Variants in TRHDE observed in about 807,000 individuals in gnomAD.
TRHDE encodes thyrotropin-releasing hormone-degrading ectoenzyme.
A neutral mutation model predicts 125.7 loss-of-function variants in TRHDE; 72 were observed. The observed-to-expected ratio is 0.57, with a 90% CI of 0.47 to 0.70. The LOEUF is 0.70. TRHDE is among the 30% of genes least tolerant of loss of function. TRHDE has a pLI of 0.00. For missense variants in TRHDE, 1,110 were observed against 1,327.1 expected (o/e 0.84, Z 2.54); for synonymous variants, 509 against 509.1 (o/e 1.00, Z 0.00).
intron 15 of TRHDE, among the ~76,000 whole-genome samples, chr12:72,637,662 C>T (rs1211265984): frequency 3.3e-5 from 5 of 152,152 alleles, no homozygotes; most frequent in South Asian, 2.1e-4. Context: ...TTTGCCTCTA[C>T]ACACTGCTTT....
chr12:72,638,286 G>A (rs1315138437), intron 15 of TRHDE, among the ~76,000 whole-genome samples: 1 of 150,834 alleles, frequency 6.6e-6, no homozygotes, highest in Admixed American at 6.6e-5. Context: ...TTTGATCTTT[G>A]TTGGTTGAAA....
chr12:72,516,080 T>G (rs1170878895), intron 6 of TRHDE, among the ~76,000 whole-genome samples: 1 of 151,932 alleles, frequency 6.6e-6, no homozygotes, highest in African/African-American at 2.4e-5. Context: ...GGTAGCGTGA[T>G]GCCTCCAGCT....
At chr12:72,123,907 T>C (rs1408322062) in intron 2 of TRHDE, among the ~76,000 whole-genome samples, 2 of 152,176 alleles carry the variant, frequency 1.3e-5, no homozygotes, top group Non-Finnish European at 2.9e-5. Context: ...AAAAGGAATC[T>C]TACAATATAT....
At chr12:72,376,216 G>A (rs1871874424) in intron 2 of TRHDE, among the ~76,000 whole-genome samples, 1 of 152,154 alleles carries the variant, frequency 6.6e-6, no homozygotes, top group Admixed American at 6.5e-5. Flanking sequence ...CTGAGTCCAG[G>A]ACTTCACCTG....
intron 3 of TRHDE, among the ~76,000 whole-genome samples, chr12:72,392,732 C>G (rs2135792764): frequency 6.6e-6 from 1 of 152,306 alleles, no homozygotes; most frequent in South Asian, 2.1e-4. Flanking sequence ...CCCTGCATTA[C>G]TTGGTAACCC....
At chr12:72,110,493 A>T (rs980861608) in intron 2 of TRHDE, among the ~76,000 whole-genome samples, 3 of 152,016 alleles carry the variant, frequency 2.0e-5, no homozygotes, top group African/African-American at 7.2e-5. Context: ...ATCTGAGGAT[A>T]TGGTTTATTA....
chr12:72,557,691 CAT>C (rs1451420748), intron 7 of TRHDE, among the ~76,000 whole-genome samples: 2 of 152,058 alleles, frequency 1.3e-5, no homozygotes, highest in African/African-American at 4.8e-5. Flanking sequence ...TTACACATGA[CAT>C]GTTATGAAGC....
intron 12 of TRHDE, among the ~76,000 whole-genome samples, chr12:72,578,118 A>C (rs571582137): frequency 6.6e-6 from 1 of 152,202 alleles, no homozygotes. Context: ...GCTTCTTTAA[A>C]GATAACACAT....
rs142361529 is a variant in TRHDE at position 72,367,731 on chromosome 12, G to A, written c.1189-10264G>A. Among the ~76,000 whole-genome samples, 35 of 152,194 alleles carry A rather than the reference G, an allele frequency of 2.3e-4. 1 individual carries two copies. The East Asian group carries it at 4.4e-3, about 19-fold the overall frequency. On this transcript the variant is annotated intron_variant, in intron 2 of 18. Transcript: ENST00000261180. ...ATAGGTGAATTAATTCAGCTTTACCGGCTGCAATTCAGTGCATTGTGGTTT... is the reference window on the plus strand; with the variant it reads ...ATAGGTGAATTAATTCAGCTTTACCAGCTGCAATTCAGTGCATTGTGGTTT...
intron 2 of TRHDE, among the ~76,000 whole-genome samples, chr12:72,194,715 C>T (rs1034384712): frequency 2.6e-5 from 4 of 152,060 alleles, no homozygotes; most frequent in Admixed American, 1.3e-4. Context: ...GATTCCATTC[C>T]TTTTTATGAC....
intron 3 of TRHDE, among the ~76,000 whole-genome samples, chr12:72,464,426 T>C (rs1368598255): frequency 6.6e-6 from 1 of 152,154 alleles, no homozygotes; most frequent in East Asian, 1.9e-4. Context: ...AGATGACTCT[T>C]TGTTGCTGCA....
chr12:72,563,063 A>C (rs1051311017), intron 9 of TRHDE, 23 bp downstream of exon 9: 12 of 1,498,462 alleles, frequency 8.0e-6, no homozygotes, highest in Non-Finnish European at 1.1e-5. Context: ...TTTTTACGTG[A>C]AAAATATTGT....
At chr12:72,617,330 C>T (rs948522762) in intron 12 of TRHDE, among the ~76,000 whole-genome samples, 3 of 152,028 alleles carry the variant, frequency 2.0e-5, no homozygotes, top group Non-Finnish European at 4.4e-5. Context: ...AACTGCAGCA[C>T]CCTCTTCAGA....
chr12:72,227,882 C>G (rs1878166345), intron 2 of TRHDE, among the ~76,000 whole-genome samples: 1 of 152,178 alleles, frequency 6.6e-6, no homozygotes. Flanking sequence ...CCAAAATGAT[C>G]TTCTTTGGCT....
At chr12:72,524,211 C>T (rs1049483663) in intron 6 of TRHDE, among the ~76,000 whole-genome samples, 7 of 152,106 alleles carry the variant, frequency 4.6e-5, no homozygotes, top group African/African-American at 1.4e-4. Flanking sequence ...GCATTTTATC[C>T]TCTCCGTAAA....
chr12:72,520,152 G>A (rs923852463), intron 6 of TRHDE, among the ~76,000 whole-genome samples: 2 of 152,224 alleles, frequency 1.3e-5, no homozygotes, highest in Admixed American at 6.5e-5. Flanking sequence ...GCCTCCTTGA[G>A]CTGTGGTGGG....
intron 2 of TRHDE, among the ~76,000 whole-genome samples, chr12:72,110,755 CAG>C (rs2139295001): frequency 6.6e-6 from 1 of 152,116 alleles, no homozygotes; most frequent in South Asian, 2.1e-4. Context: ...TTACATTGAG[CAG>C]AGTTGTTTCA....
intron 6 of TRHDE, among the ~76,000 whole-genome samples, chr12:72,522,782 A>G (rs139953085): frequency 1.3e-5 from 2 of 152,250 alleles, no homozygotes; most frequent in African/African-American, 4.8e-5. Context: ...GATGCCTTCT[A>G]TAAACCCGAT....
At chr12:72,413,510 A>C (rs1181258564) in intron 3 of TRHDE, among the ~76,000 whole-genome samples, 1 of 151,804 alleles carries the variant, frequency 6.6e-6, no homozygotes, top group Non-Finnish European at 1.5e-5. Context: ...AAACCTTATT[A>C]AAATTATTAT....
Sources: gnomAD v4.1 joint callset for allele counts (sites outside exome capture counted in the v4.1 genomes callset) on GRCh38, gnomAD v4.1.1 for gene constraint, MANE v1.5 for transcripts, NCBI Gene and HGNC (gene_info 2026-07-23, HGNC 2026-07-21) for gene names.